Variants in SI observed in about 807,000 individuals in gnomAD.
The protein encoded by SI is sucrase-isomaltase, also known as sucrase-isomaltase, intestinal.
SI carries 235 observed loss-of-function variants against 253.3 expected under a neutral mutation model. That is an observed-to-expected ratio of 0.93 (90% CI 0.83 to 1.03). The LOEUF is 1.03. SI is among the 50% of genes least tolerant of loss of function. The pLI is 0.00. For synonymous variants in SI, 819 were observed against 712.0 expected (o/e 1.15, Z -2.39); for missense variants, 2,442 against 2,211.1 (o/e 1.10, Z -2.09).
chr3:165,073,689 T>C (rs1367667479), intron 3 of SI, among the ~76,000 whole-genome samples: 2 of 152,008 alleles, frequency 1.3e-5, no homozygotes, highest in Admixed American at 1.3e-4. Context: ...TACAACAAAC[T>C]GTGGATCAAA....
chr3:165,013,092 T>C (rs1718846827), intron 33 of SI, 50 bp from the exon 34 acceptor site: 1 of 1,102,442 alleles, frequency 9.1e-7, no homozygotes, highest in South Asian at 1.2e-5. Flanking sequence ...GTCAGCATGA[T>C]ATGATTGCTA....
Position 164,992,188 on chromosome 3 carries a change from C to A in SI, c.4972G>T (p.Asp1658Tyr), listed in dbSNP as rs1422730683. Reference sequence around the variant, plus strand: ...CCTTAAATACTTACTGTATGGTAGTCAAACCACCGAGCATTGGGGACGTAG... The same window carrying A: ...CCTTAAATACTTACTGTATGGTAGTAAAACCACCGAGCATTGGGGACGTAG... ...NAYVPNARWF[D>Y]YHTGKDIGVR... Residue 1658 changes from aspartate (D) to tyrosine (Y), a missense_variant, in exon 43 of 48, where the codon GAC becomes TAC. By Grantham distance (160) the Asp-to-Tyr change is radical. Coordinates refer to ENST00000264382, the MANE Select transcript of SI (RefSeq NM_001041.4). The A allele has an allele frequency of 2.5e-6, 4 of 1,610,990 alleles. No individual in the cohort carries two copies. The South Asian group carries it at 4.4e-5, about 18-fold the overall frequency.
At chr3:165,064,314 A>C (rs185216226) in intron 7 of SI, among the ~76,000 whole-genome samples, 1 of 152,054 alleles carries the variant, frequency 6.6e-6, no homozygotes. Flanking sequence ...CTGACTAATT[A>C]GATATGGATT....
At chr3:165,083,562 T>C in the SI span, among the ~76,000 whole-genome samples, 1 of 151,992 alleles carries the variant, frequency 6.6e-6, no homozygotes, top group Non-Finnish European at 1.5e-5. Context: ...TAATCTATCT[T>C]CCTTTACCCA....
At position 165,032,646 on chromosome 3, in the gene SI, G is replaced by A; in HGVS notation, c.2612C>T (p.Thr871Ile). The change falls in exon 24 of 48, where the codon ACT (threonine) becomes ATT (isoleucine). Residue 871 changes from threonine (T) to isoleucine (I), a missense_variant. Physicochemically the swap from Thr to Ile is moderately conservative, Grantham distance 89. Coordinates refer to ENST00000264382, the MANE Select transcript of SI (RefSeq NM_001041.4). The stretch of plus-strand genomic sequence containing the variant: ...TTTTACAGTCTGAAATGCTAAGGTA[G>A]TTCCTTCCTGATATGATGAATGTGT... ...VCTHSSYQEG[T>I]TLAFQTVKIL... The A allele has an allele frequency of 6.2e-7, 1 of 1,607,674 alleles. No homozygotes were observed. The highest frequency in any genetic ancestry group is 1.1e-5 in the South Asian group (1 of 90,886).
intron 3 of SI, among the ~76,000 whole-genome samples, chr3:165,072,455 A>G (rs1490272179): frequency 1.3e-5 from 2 of 152,076 alleles, no homozygotes; most frequent in East Asian, 1.9e-4. Flanking sequence ...CAAAGTTTGA[A>G]TAAAAATCAT....
At chr3:165,034,149 T>C (rs1332039098) in intron 22 of SI, among the ~76,000 whole-genome samples, 1 of 151,858 alleles carries the variant, frequency 6.6e-6, no homozygotes, top group Non-Finnish European at 1.5e-5. Context: ...GGAAATAATA[T>C]TATATTCAGA....
chr3:164,984,554 G>C (rs1437818948), intron 45 of SI, among the ~76,000 whole-genome samples: 1 of 152,174 alleles, frequency 6.6e-6, no homozygotes, highest in African/African-American at 2.4e-5. Context: ...GGGTAGCTTT[G>C]TTGTTTTTAA....
intron 17 of SI, 74 bp downstream of exon 17, chr3:165,042,985 G>T (rs1483331444): frequency 3.3e-6 from 3 of 910,970 alleles, no homozygotes; most frequent in African/African-American, 1.6e-5. Context: ...ATACTCTATA[G>T]ATTTAATTTA....
chr3:164,999,658 A>AT (rs1718172722), intron 37 of SI, among the ~76,000 whole-genome samples: 1 of 151,618 alleles, frequency 6.6e-6, no homozygotes, highest in Non-Finnish European at 1.5e-5. Flanking sequence ...AGCTCCTTCC[A>AT]TGACACCTTG....
At chr3:165,084,275 T>C in the SI span, among the ~76,000 whole-genome samples, 1 of 152,016 alleles carries the variant, frequency 6.6e-6, no homozygotes, top group Non-Finnish European at 1.5e-5. Flanking sequence ...TCAACACCCA[T>C]GATTGTGGGA....
chr3:165,067,535 T>G, intron 5 of SI, 44 bp from the exon 6 acceptor site: 1 of 1,485,798 alleles, frequency 6.7e-7, no homozygotes, highest in Non-Finnish European at 9.4e-7. Flanking sequence ...TTCTAAACTA[T>G]TATTTAATAT....
upstream of SI, among the ~76,000 whole-genome samples, chr3:165,082,494 C>A (rs1319437210): frequency 6.6e-6 from 1 of 151,940 alleles, no homozygotes; most frequent in Non-Finnish European, 1.5e-5. Context: ...AGGCGGAGAA[C>A]CAAATTTCTT....
upstream of SI, among the ~76,000 whole-genome samples, chr3:165,083,465 A>G (rs1015495315): frequency 2.0e-5 from 3 of 152,006 alleles, no homozygotes; most frequent in African/African-American, 7.2e-5. Flanking sequence ...TAGAAGGCTC[A>G]TAAGATTCCA....
In SI at chr3:165,062,364, A is replaced by G. The variant is rs200478899; in HGVS notation, c.1020+7T>C. The G allele has an allele frequency of 2.9e-6, 4 of 1,393,034 alleles. No individual in the cohort carries two copies. In the African/African-American group the frequency reaches 5.7e-5, roughly 20 times the overall value. The allele number at this position is 1,393,034 out of a possible 1,614,324, so 86.3% of individuals were successfully genotyped here. A position where few individuals can be genotyped will look rare whatever the true frequency, so the allele number is the denominator to read the frequency against. On this transcript the variant is annotated splice_region_variant and intron_variant, in intron 9 of 47. Transcript: ENST00000264382. Reference sequence around the variant, plus strand: ...AAAAAATTTTATAAAATAGACCTGAAACACACCTGTTGATACTGTTGAACT... The same window carrying G: ...AAAAAATTTTATAAAATAGACCTGAGACACACCTGTTGATACTGTTGAACT...
chr3:165,019,541 T>C, intron 28 of SI, 61 bp downstream of exon 28: 2 of 1,439,618 alleles, frequency 1.4e-6, no homozygotes, highest in Non-Finnish European at 2.0e-6. Context: ...CATAAAGAAG[T>C]GGCTTGGATT....
chr3:164,998,701 T>C lies in SI; in HGVS notation c.4407-28A>G, dbSNP rs138108240. ...AATATAGTAGAGAAGTATTTTTGAG[T>C]TTTTACATGAGATATTTTCTCCAAA... On this transcript the variant is annotated intron_variant, in intron 37 of 47. Transcript: ENST00000264382. 1,515 of 1,590,088 alleles carry C rather than the reference T, an allele frequency of 9.5e-4. 18 individuals are homozygous for C. The East Asian group carries it at 0.02, about 21-fold the overall frequency.
chr3:165,085,665 C>T, the SI span, among the ~76,000 whole-genome samples: 1 of 152,114 alleles, frequency 6.6e-6, no homozygotes, highest in South Asian at 2.1e-4. Context: ...TTTCTACAAT[C>T]ACTGCCTCAT....
At chr3:164,991,549 A>T in intron 43 of SI, 72 bp from the exon 44 acceptor site, 1 of 1,488,050 alleles carries the variant, frequency 6.7e-7, no homozygotes, top group African/African-American at 1.4e-5. Flanking sequence ...GTAGTTGAGG[A>T]TATACATTTT....
Sources: allele counts gnomAD v4.1 joint callset (sites outside exome capture counted in the v4.1 genomes callset), GRCh38; gene constraint gnomAD v4.1.1; transcripts MANE v1.5; gene names NCBI Gene and HGNC (gene_info 2026-07-23, HGNC 2026-07-21).